FGG: variants seen among roughly 807,000 people sequenced by gnomAD.
FGG encodes the protein fibrinogen gamma chain.
Under a neutral mutation model 51.7 loss-of-function variants are expected in FGG, and 20 were observed. That is an observed-to-expected ratio of 0.39 (90% CI 0.27 to 0.56). The LOEUF (loss-of-function observed/expected upper bound fraction) is 0.56. Ranked by LOEUF, FGG falls within the 20% of genes least tolerant of loss-of-function variation. FGG has a pLI of 0.64. For missense variants in FGG, 460 were observed against 534.2 expected (o/e 0.86, Z 1.37); for synonymous variants, 184 against 184.7 (o/e 1.00, Z 0.03).
chr4:154,606,836 T>A lies in FGG; in HGVS notation c.998A>T (p.His333Leu), dbSNP rs1268548380. ...DDPSDKFFTSHNGMQFSTWDN... is the reference protein window; with the variant it reads ...DDPSDKFFTSLNGMQFSTWDN... ...CCAGGTACTGAACTGCATGCCATTA[T>A]GGGATGTGAAAAACTTGTCACTAGG... is the stretch of plus-strand genomic sequence containing the variant. The change falls in exon 8 of 9, where the codon CAT (histidine) becomes CTT (leucine). Residue 333 changes from histidine to leucine, a missense_variant. By Grantham distance (99) the His-to-Leu change is moderately conservative. Around this residue, in one of 3 missense-constraint regions of FGG, gnomAD observed 353 missense variants for 391.7 expected, o/e 0.90. Transcript: ENST00000336098. The A allele has an allele frequency of 1.2e-6, 2 of 1,613,886 alleles. No individual in the cohort carries two copies. The highest frequency in any genetic ancestry group is 2.7e-5 in the African/African-American group (2 of 74,906).
At position 154,605,017 on chromosome 4, in the gene FGG, A is replaced by G. The variant is rs199520597; in HGVS notation, c.1179T>C (p.Ile393=). The change falls in exon 9 of 9, where the codon ATT becomes ATC. Residue 393 remains isoleucine (I), a synonymous_variant. Coordinates refer to ENST00000336098, the MANE Select transcript of FGG (RefSeq NM_021870.3). ...ASTPNGYDNG[I]IWATWKTRWY... ...ACCGGGTTTTCCAAGTGGCCCAAAT[A>G]ATGCCATTATCATAACCATTAGGAG... The G allele has an allele frequency of 3.7e-6, 6 of 1,614,082 alleles. No individual in the cohort carries two copies. In the East Asian group the frequency reaches 1.3e-4, roughly 36 times the overall value.
rs770052321 is a variant in FGG, at chr4:154,609,665, C to T, written c.631G>A (p.Asp211Asn). ...ACAGTCCATCCATTTCCAGACCCAT[C>T]GATTTCACAGTAGACTAAGAATTGC... ...NQQFLVYCEIDGSGNGWTVFQ... is the reference protein window; with the variant it reads ...NQQFLVYCEINGSGNGWTVFQ... The change falls in exon 6 of 9, where the codon GAT becomes AAT. Residue 211 changes from aspartate (D) to asparagine (N), a missense_variant. This residue lies in a region of FGG where 353 missense variants were observed against 391.7 expected (regional missense o/e 0.90). Transcript: ENST00000336098. 37 of 1,613,872 alleles carry T rather than the reference C, an allele frequency of 2.3e-5. No homozygotes were observed. Among genetic ancestry groups the T allele is most frequent in the South Asian group, 4.4e-5 (4 of 91,070 alleles).
Position 154,612,574 on chromosome 4 carries a change from G to A in FGG, c.36C>T (p.Leu12=), listed in dbSNP as rs757700587. The A allele has an allele frequency of 1.2e-6, 2 of 1,613,990 alleles. No individual in the cohort carries two copies. Among genetic ancestry groups the A allele is most frequent in the African/African-American group, 1.3e-5 (1 of 75,032 alleles). Residue 12 remains leucine (L), a synonymous_variant, in exon 1 of 9, where the codon CTC becomes CTT. Transcript: ENST00000336098. The part of the protein sequence containing the change: ...SWSLHPRNLI[L]YFYALLFLSS... ...AGAGAAATAAAAGAGCATAGAAGTA[G>A]AGAATTAAATTCCGGGGGTGCAAGG... is the stretch of plus-strand genomic sequence containing the variant.
At chr4:154,605,623 A>G (rs979174106) in intron 8 of FGG, among the ~76,000 whole-genome samples, 16 of 152,162 alleles carry the variant, frequency 1.1e-4, no homozygotes, top group Non-Finnish European at 2.1e-4. Context: ...ACTGGCATGA[A>G]CTACAGCTCT....
chr4:154,610,851 C>G (rs529733436), intron 4 of FGG, among the ~76,000 whole-genome samples: 2 of 152,132 alleles, frequency 1.3e-5, no homozygotes, highest in African/African-American at 2.4e-5. Context: ...TAAAAACCCT[C>G]CTTTTGTAGT....
In FGG at chr4:154,606,733, A is replaced by C. The variant is rs1446498828; in HGVS notation, c.1101T>G (p.Ala367=). 3.7e-6 allele frequency: 6 copies of C among 1,613,876 alleles called. No homozygotes were observed. The highest frequency in any genetic ancestry group is 5.1e-6 in the Non-Finnish European group (6 of 1,179,876). The part of the protein sequence containing the change: ...GSGWWMNKCH[A]GHLNGVYYQG... The stretch of plus-strand genomic sequence containing the variant: ...GGTAATAAACTCCATTGAGATGGCC[A>C]GCGTGACACTTGTTCATCCACCAAC... The change falls in exon 8 of 9, where the codon GCT becomes GCG. Residue 367 remains alanine, a synonymous_variant. Transcript: ENST00000336098.
Position 154,612,375 on chromosome 4 carries a change from C to G in FGG, c.123+16G>C. The G allele has an allele frequency of 6.2e-7, 1 of 1,612,488 alleles. No homozygotes were observed. ...TCCAGTTCACACACAAAGGGAGAAACATAAAAACTACTTACGAATCTTTCA... is the reference window on the plus strand; with the variant it reads ...TCCAGTTCACACACAAAGGGAGAAAGATAAAAACTACTTACGAATCTTTCA... On this transcript the variant is annotated intron_variant, in intron 2 of 8. Coordinates refer to ENST00000336098, the MANE Select transcript of FGG (RefSeq NM_021870.3).
intron 4 of FGG, chr4:154,611,603 T>C: frequency 2.1e-6 from 1 of 484,012 alleles, no homozygotes; most frequent in African/African-American, 1.9e-5. Context: ...TTCAATGTGA[T>C]TATTAATAAG....
At chr4:154,608,029 T>G (rs1169218069) in intron 7 of FGG, among the ~76,000 whole-genome samples, 1 of 152,166 alleles carries the variant, frequency 6.6e-6, no homozygotes, top group Non-Finnish European at 1.5e-5. Context: ...CCAGGATAGT[T>G]GTTAAGAGGA....
intron 8 of FGG, among the ~76,000 whole-genome samples, chr4:154,605,612 C>T (rs1484974561): frequency 6.6e-6 from 1 of 152,174 alleles, no homozygotes; most frequent in Non-Finnish European, 1.5e-5. Context: ...CAGAGCACAA[C>T]ACTGGCATGA....
At position 154,604,248 on chromosome 4, in the gene FGG, C is replaced by T. The variant is rs1308653534; in HGVS notation, c.*586G>A. The T allele has an allele frequency of 1.6e-5, 16 of 1,013,012 alleles. No individual in the cohort carries two copies. In the East Asian group the frequency reaches 3.9e-4, roughly 25 times the overall value. 62.8% of individuals were successfully genotyped at this position (1,013,012 alleles called of 1,614,324 possible). On this transcript the variant is annotated 3_prime_UTR_variant, in exon 9 of 9. Transcript: ENST00000336098. ...CTTTTGCTCTTAAAATGAAGTGAAG[C>T]TTTGCAAGTCCATTGTCCAATAGGA...
chr4:154,608,146 G>C (rs935035193), intron 7 of FGG, among the ~76,000 whole-genome samples: 4 of 152,130 alleles, frequency 2.6e-5, no homozygotes, highest in Non-Finnish European at 4.4e-5. Context: ...AATAATACCT[G>C]CTTCATGAAA....
chr4:154,611,975 A>T (rs1731222823), intron 3 of FGG, 43 bp downstream of exon 3: 5 of 1,596,618 alleles, frequency 3.1e-6, no homozygotes, highest in East Asian at 2.2e-5. Flanking sequence ...AACTTCACAG[A>T]TTATTATTAT....
intron 4 of FGG, 87 bp downstream of exon 4, chr4:154,611,718 A>C (rs1438254376): frequency 8.0e-6 from 7 of 874,892 alleles, no homozygotes; most frequent in African/African-American, 1.7e-5. Context: ...TGGGGAAAAC[A>C]CATTAAAAAT....
In FGG at chr4:154,604,907, C is replaced by G; in HGVS notation, c.1289G>C (p.Gly430Ala). The change falls in exon 9 of 9, where the codon GGA becomes GCA. Residue 430 changes from glycine (G) to alanine (A), a missense_variant. Transcript: ENST00000336098. ...GTGCTCTGGTCTGACCTGTTTGGCTCCCCCCAGGTGGTGTTGCTGTCCTTC... is the reference window on the plus strand; with the variant it reads ...GTGCTCTGGTCTGACCTGTTTGGCTGCCCCCAGGTGGTGTTGCTGTCCTTC... ...IGEGQQHHLG[G>A]AKQVRPEHPA... 3 of 1,613,938 alleles carry G rather than the reference C, an allele frequency of 1.9e-6. No individual in the cohort carries two copies. Among genetic ancestry groups the G allele is most frequent in the Non-Finnish European group, 2.5e-6 (3 of 1,179,908 alleles).
intron 8 of FGG, 118 bp from the exon 9 acceptor site, chr4:154,605,184 C>A: frequency 1.1e-6 from 1 of 945,258 alleles, no homozygotes; most frequent in Non-Finnish European, 1.6e-6. Context: ...ATAGTATTAT[C>A]TGCTAACTGA....
intron 5 of FGG, 94 bp from the exon 6 acceptor site, chr4:154,609,857 C>A (rs1230976073): frequency 6.3e-5 from 99 of 1,577,522 alleles, no homozygotes; most frequent in Non-Finnish European, 8.3e-5. Flanking sequence ...GTAAACTATT[C>A]ATTTTCCAAG....
chr4:154,604,274 A>G lies in FGG; in HGVS notation c.*560T>C, dbSNP rs1457475606. 4.3e-5 allele frequency: 56 copies of G among 1,316,632 alleles called. No individual in the cohort carries two copies. In the East Asian group the frequency reaches 7.3e-4, roughly 17 times the overall value. 81.6% of individuals were successfully genotyped at this position (1,316,632 alleles called of 1,614,324 possible). A position where few individuals can be genotyped will look rare whatever the true frequency, so the allele number is the denominator to read the frequency against. The stretch of plus-strand genomic sequence containing the variant: ...TTTGCAAGTCCATTGTCCAATAGGA[A>G]AAATATTATATCTCTCTGTTCAGAT... On this transcript the variant is annotated 3_prime_UTR_variant, in exon 9 of 9. Coordinates refer to ENST00000336098, the MANE Select transcript of FGG (RefSeq NM_021870.3).
At chr4:154,609,490 G>A in intron 6 of FGG, 140 bp downstream of exon 6, 1 of 994,452 alleles carries the variant, frequency 1.0e-6, no homozygotes, top group East Asian at 2.5e-5. Context: ...CTGTAAATAG[G>A]AGTAACAGAA....
Sources: gnomAD v4.1 joint callset for allele counts (sites outside exome capture counted in the v4.1 genomes callset) on GRCh38, gnomAD v4.1.1 for gene constraint, gnomAD v4.1.1 regional missense constraint, MANE v1.5 for transcripts, NCBI Gene and HGNC (gene_info 2026-07-23, HGNC 2026-07-21) for gene names.